The following ZNF251 variants were observed in gnomAD, a reference collection of about 807,000 sequenced individuals.
The protein encoded by ZNF251 is zinc finger protein 251.
Under a neutral mutation model 13.5 loss-of-function variants are expected in ZNF251, and 14 were observed. The ratio of observed to expected loss-of-function variants is 1.04; its 90% CI spans 0.69 to 1.63. ZNF251 has a LOEUF of 1.63. Among genes scored for constraint, ZNF251 ranks in the 40% most tolerant of loss-of-function variants. The pLI, the probability that ZNF251 is intolerant of heterozygous loss-of-function variation, is 0.00. For synonymous variants in ZNF251, 287 were observed against 295.2 expected (o/e 0.97, Z 0.28); for missense variants, 764 against 834.9 (o/e 0.92, Z 1.05).
At position 144,755,446 on chromosome 8, in the gene ZNF251, G is replaced by C. The variant is rs1478448241; in HGVS notation, c.-117C>G. On this transcript the variant is annotated 5_prime_UTR_variant, in exon 1 of 5. Coordinates refer to ENST00000292562, the MANE Select transcript of ZNF251 (RefSeq NM_138367.2). ...GGGAAGCCACCGAGGAAGCGCCGAG[G>C]AGCTGCGCAGTCGCACCGAGCCCGG... 1 of 1,288,046 alleles carries C rather than the reference G, an allele frequency of 7.8e-7. No individual in the cohort carries two copies. Among genetic ancestry groups the C allele is most frequent in the African/African-American group, 1.5e-5 (1 of 65,926 alleles). 79.8% of individuals were successfully genotyped at this position (1,288,046 alleles called of 1,614,324 possible).
At chr8:144,736,642 C>T (rs1823907789) in intron 4 of ZNF251, among the ~76,000 whole-genome samples, 1 of 151,908 alleles carries the variant, frequency 6.6e-6, no homozygotes, top group Admixed American at 6.6e-5. Flanking sequence ...CAGGCAGGCG[C>T]CACCACGCCC....
chr8:144,753,614 C>T (rs1315675801), intron 4 of ZNF251, 69 bp downstream of exon 4: 1 of 1,299,004 alleles, frequency 7.7e-7, no homozygotes, highest in Non-Finnish European at 1.1e-6. Flanking sequence ...CCCAGCTGTC[C>T]CTCGCTTGGA....
intron 4 of ZNF251, among the ~76,000 whole-genome samples, chr8:144,741,268 G>T (rs1824152882): frequency 6.6e-6 from 1 of 152,240 alleles, no homozygotes. Context: ...TCAGTGCCCA[G>T]GGCACAGTGG....
chr8:144,744,009 C>CTTTTTTTTTTTTTTTT (rs1168495446), intron 4 of ZNF251, among the ~76,000 whole-genome samples: 1 of 88,816 alleles, frequency 1.1e-5, no homozygotes, highest in African/African-American at 5.0e-5. Flanking sequence ...CTCTCGTTGT[C>CTTTTTTTTTTTTTTTT]TTTTTTTTTT....
intron 4 of ZNF251, among the ~76,000 whole-genome samples, chr8:144,752,526 G>C (rs989489066): frequency 6.6e-6 from 1 of 152,176 alleles, no homozygotes; most frequent in African/African-American, 2.4e-5. Context: ...AATTTTGTGA[G>C]ATGCAACTTA....
chr8:144,752,135 C>CAAAAAAAAAAAAAAAAAAAAAAACA (rs745386892), intron 4 of ZNF251, among the ~76,000 whole-genome samples: 1 of 86,184 alleles, frequency 1.2e-5, no homozygotes, highest in Non-Finnish European at 2.5e-5. Flanking sequence ...ATAACTAGAC[C>CAAAAAAAAAAAAAAAAAAAAAAACA]AAAAAAAAAA....
intron 4 of ZNF251, among the ~76,000 whole-genome samples, chr8:144,750,453 C>T (rs1409443757): frequency 6.6e-6 from 1 of 152,174 alleles, no homozygotes; most frequent in African/African-American, 2.4e-5. Context: ...TTAGGTATTT[C>T]CCTTCCCCCA....
Position 144,753,762 on chromosome 8 carries a change from C to G in ZNF251, c.198G>C (p.Gln66His), listed in dbSNP as rs760017583. Residue 66 changes from glutamine (Q) to histidine (H), a missense_variant, in exon 4 of 5, where the codon CAG becomes CAC. Transcript: ENST00000292562. ...FPVPKPELIS[Q>H]LEQGKELWVL... The stretch of plus-strand genomic sequence containing the variant: ...CCCAAAGTTCCTTCCCCTGCTCCAG[C>G]TGGGAGATCAACTCCGGCTTAGGGA... 2.9e-5 allele frequency: 46 copies of G among 1,594,810 alleles called. No homozygotes were observed. The South Asian group carries it at 5.0e-4, about 17-fold the overall frequency.
At chr8:144,737,161 G>A (rs1823934513) in intron 4 of ZNF251, among the ~76,000 whole-genome samples, 1 of 151,982 alleles carries the variant, frequency 6.6e-6, no homozygotes, top group Non-Finnish European at 1.5e-5. Context: ...TACAGTGGAT[G>A]ATCTCAGCTC....
At chr8:144,754,937 G>C (rs530683703) in intron 1 of ZNF251, 134 bp from the exon 2 acceptor site, 17 of 1,423,716 alleles carry the variant, frequency 1.2e-5, no homozygotes, top group Non-Finnish European at 1.5e-5. Flanking sequence ...GGGCCGACGT[G>C]CCCTACTGCT....
intron 4 of ZNF251, chr8:144,730,197 G>T: frequency 2.4e-6 from 2 of 837,002 alleles, no homozygotes; most frequent in Non-Finnish European, 2.9e-6. Context: ...CCCTCCAGGC[G>T]CGGGGCCCAG....
rs570581194 is a variant in ZNF251 at position 144,754,993 on chromosome 8, G to A, written c.-75-190C>T. 30 of 1,395,544 alleles carry A rather than the reference G, an allele frequency of 2.1e-5. No individual in the cohort carries two copies. The Admixed American group carries it at 8.1e-4, about 38-fold the overall frequency. The allele number at this position is 1,395,544 out of a possible 1,614,324, so 86.4% of individuals were successfully genotyped here. A position where few individuals can be genotyped will look rare whatever the true frequency, so the allele number is the denominator to read the frequency against. The stretch of plus-strand genomic sequence containing the variant: ...GAACGGCCAGAGCCAGAGCCCGGGG[G>A]GATCCAGGGACGCCCGGCTAAGGGG... On this transcript the variant is annotated intron_variant, in intron 1 of 4. Coordinates refer to ENST00000292562, the MANE Select transcript of ZNF251 (RefSeq NM_138367.2).
In ZNF251 at chr8:144,731,941, C is replaced by G. The variant is rs527663141; in HGVS notation, c.278-8559G>C. Among the ~76,000 whole-genome samples, 16 of 134,228 alleles carry G rather than the reference C, an allele frequency of 1.2e-4. 1 individual carries two copies. The South Asian group carries it at 3.1e-3, about 26-fold the overall frequency. The allele number at this position is 134,228 out of a possible 152,430, so 88.1% of individuals were successfully genotyped here. ...AAATTCAATAAAGGACATGTCCTGA[C>G]AGCTGCATTTTTTTTTTTTAAGACA... On this transcript the variant is annotated intron_variant, in intron 4 of 4. Transcript: ENST00000292562.
At chr8:144,747,729 C>G (rs892875488) in intron 4 of ZNF251, among the ~76,000 whole-genome samples, 10 of 152,062 alleles carry the variant, frequency 6.6e-5, no homozygotes, top group Non-Finnish European at 1.2e-4. Context: ...TCTCCTGCCT[C>G]AGCCTCCCGA....
At chr8:144,726,965 GACC>G (rs1489491792) in intron 4 of ZNF251, among the ~76,000 whole-genome samples, 6 of 152,300 alleles carry the variant, frequency 3.9e-5, no homozygotes, top group African/African-American at 1.4e-4. Context: ...GAGGTGGGAA[GACC>G]ACTTGAGCCC....
intron 4 of ZNF251, among the ~76,000 whole-genome samples, chr8:144,750,465 G>A (rs1425128884): frequency 6.6e-6 from 1 of 152,172 alleles, no homozygotes; most frequent in Non-Finnish European, 1.5e-5. Context: ...CTTCCCCCAG[G>A]AAGGTTAAGT....
chr8:144,729,748 C>A (rs976999634), intron 4 of ZNF251, among the ~76,000 whole-genome samples: 3 of 152,108 alleles, frequency 2.0e-5, no homozygotes, highest in African/African-American at 7.2e-5. Context: ...GTGATCCCCG[C>A]ACTTTGGGAG....
chr8:144,731,496 A>G (rs1823692667), intron 4 of ZNF251, among the ~76,000 whole-genome samples: 1 of 152,268 alleles, frequency 6.6e-6, no homozygotes, highest in African/African-American at 2.4e-5. Flanking sequence ...CTCAAAAGAA[A>G]AAACTGTAAA....
chr8:144,736,618 A>C (rs1186227593), intron 4 of ZNF251, among the ~76,000 whole-genome samples: 3 of 151,850 alleles, frequency 2.0e-5, no homozygotes, highest in African/African-American at 7.3e-5. Flanking sequence ...CAGCCTCCCA[A>C]GTAGCTGGGA....
Sources: allele counts gnomAD v4.1 joint callset (sites outside exome capture counted in the v4.1 genomes callset), GRCh38; gene constraint gnomAD v4.1.1; transcripts MANE v1.5; gene names NCBI Gene and HGNC (gene_info 2026-07-23, HGNC 2026-07-21).